The following DPY19L4 variants were observed in gnomAD, a reference collection of about 807,000 sequenced individuals.
The protein encoded by DPY19L4 is probable C-mannosyltransferase DPY19L4.
In DPY19L4, 97 loss-of-function variants were observed where a neutral mutation model predicts 102.8. The ratio of observed to expected loss-of-function variants is 0.94; its 90% CI spans 0.80 to 1.12. DPY19L4 has a LOEUF of 1.12. DPY19L4 is among the 50% of genes most tolerant of loss of function. DPY19L4 has a pLI of 0.00. For synonymous variants in DPY19L4, 252 were observed against 283.1 expected, an observed-to-expected ratio of 0.89 and a Z score of 1.10; for missense variants, 815 against 850.4, an observed-to-expected ratio of 0.96 and a Z score of 0.52.
intron 2 of DPY19L4, among the ~76,000 whole-genome samples, chr8:94,730,366 C>A (rs897428161): frequency 2.0e-5 from 3 of 152,214 alleles, no homozygotes. Flanking sequence ...GGAACCAGAG[C>A]TCCTTATTTT....
intron 4 of DPY19L4, 57 bp downstream of exon 4, chr8:94,738,516 CTTT>C (rs368142148): frequency 1.3e-3 from 1,029 of 776,316 alleles, no homozygotes; most frequent in Middle Eastern, 3.0e-3. Flanking sequence ...CTTTTCTTTT[CTTT>C]TTTTTTTTTT....
At chr8:94,748,766 C>A (rs749195977) in intron 6 of DPY19L4, among the ~76,000 whole-genome samples, 1 of 152,180 alleles carries the variant, frequency 6.6e-6, no homozygotes, top group East Asian at 1.9e-4. Flanking sequence ...GGAGCACGAA[C>A]CCTATTGTGA....
chr8:94,750,234 G>A (rs978496202), intron 6 of DPY19L4, among the ~76,000 whole-genome samples: 6 of 152,214 alleles, frequency 3.9e-5, no homozygotes, highest in Admixed American at 6.5e-5. Context: ...TGTGCCTCGC[G>A]TGGTTCATGT....
intron 6 of DPY19L4, among the ~76,000 whole-genome samples, chr8:94,747,031 G>T (rs570621702): frequency 1.3e-5 from 2 of 151,722 alleles, no homozygotes; most frequent in African/African-American, 4.8e-5. Context: ...TTTTACCATA[G>T]TGATCAGAAC....
intron 15 of DPY19L4, among the ~76,000 whole-genome samples, chr8:94,780,759 G>A (rs1341372650): frequency 6.6e-6 from 1 of 151,924 alleles, no homozygotes; most frequent in African/African-American, 2.4e-5. Context: ...GCAAATTATT[G>A]GACCTGAAAA....
intron 13 of DPY19L4, among the ~76,000 whole-genome samples, chr8:94,775,331 C>A (rs1813130058): frequency 6.6e-6 from 1 of 152,144 alleles, no homozygotes; most frequent in Non-Finnish European, 1.5e-5. Context: ...GCCACCACGC[C>A]TGGCTAAATT....
In DPY19L4 at chr8:94,766,337, T is replaced by C. The variant is rs139065340; in HGVS notation, c.1102-275T>C. Reference sequence around the variant, plus strand: ...TTGCAGTGAGCCAAGATCGTGCCATTGCACTCCAGCCTGGGCAACAAGAGT... The same window carrying C: ...TTGCAGTGAGCCAAGATCGTGCCATCGCACTCCAGCCTGGGCAACAAGAGT... On this transcript the variant is annotated intron_variant, in intron 10 of 18. Coordinates refer to ENST00000414645, the MANE Select transcript of DPY19L4 (RefSeq NM_181787.3). Among the ~76,000 whole-genome samples, 37 of 152,266 alleles carry C rather than the reference T, an allele frequency of 2.4e-4. No homozygotes were observed. In the East Asian group the frequency reaches 5.6e-3, roughly 23 times the overall value.
intron 3 of DPY19L4, among the ~76,000 whole-genome samples, chr8:94,736,386 A>G (rs1263610579): frequency 6.6e-6 from 1 of 152,228 alleles, no homozygotes; most frequent in Non-Finnish European, 1.5e-5. Flanking sequence ...GATATACTGA[A>G]ACTCTGAAAA....
intron 1 of DPY19L4, among the ~76,000 whole-genome samples, chr8:94,724,728 C>T (rs1460158680): frequency 2.6e-5 from 4 of 152,142 alleles, no homozygotes; most frequent in South Asian, 2.1e-4. Context: ...GCTGGGATTA[C>T]AGGAGTGCAC....
chr8:94,761,891 G>A, intron 8 of DPY19L4, 57 bp downstream of exon 8: 1 of 1,525,954 alleles, frequency 6.6e-7, no homozygotes, highest in Non-Finnish European at 8.8e-7. Context: ...TTATAGCATT[G>A]TATCTTAAAA....
intron 1 of DPY19L4, among the ~76,000 whole-genome samples, chr8:94,721,174 G>A (rs955764803): frequency 1.3e-5 from 2 of 152,204 alleles, no homozygotes; most frequent in Non-Finnish European, 2.9e-5. Context: ...TTGAACTTCT[G>A]ACCTCAGGTG....
At chr8:94,788,642 C>T (rs937940195) in intron 18 of DPY19L4, among the ~76,000 whole-genome samples, 16 of 87,520 alleles carry the variant, frequency 1.8e-4, no homozygotes, top group Admixed American at 8.0e-4. Flanking sequence ...GACTGACGCA[C>T]GCGCGCGCGC....
chr8:94,721,058 T>C (rs1424900063), intron 1 of DPY19L4, among the ~76,000 whole-genome samples: 1 of 152,056 alleles, frequency 6.6e-6, no homozygotes, highest in Admixed American at 6.6e-5. Context: ...GCGATTCTCC[T>C]GCCTCAGCCT....
intron 3 of DPY19L4, 138 bp from the exon 4 acceptor site, chr8:94,738,231 A>G (rs1219215969): frequency 4.6e-6 from 1 of 216,560 alleles, no homozygotes; most frequent in Admixed American, 6.2e-5. Context: ...GGCAGGAGAA[A>G]TGGCATGAAC....
intron 1 of DPY19L4, among the ~76,000 whole-genome samples, chr8:94,720,972 G>A (rs1810430929): frequency 6.6e-6 from 1 of 151,162 alleles, no homozygotes; most frequent in African/African-American, 2.4e-5. Context: ...TTGAAACGGA[G>A]TTTCGTTCTT....
intron 6 of DPY19L4, among the ~76,000 whole-genome samples, chr8:94,751,910 G>A (rs1342370104): frequency 2.0e-5 from 3 of 152,028 alleles, no homozygotes; most frequent in Non-Finnish European, 2.9e-5. Flanking sequence ...CATAATTTTG[G>A]TATTCATGTA....
At position 94,761,816 on chromosome 8, in the gene DPY19L4, A is replaced by G; in HGVS notation, c.852A>G (p.Ser284=). ...CTCTATTCCTGCTAGATACCTTTTC[A>G]GTGGAGCAAAGTGACAAGGTATTAT... ...AISLFLLDTF[S]VEQSDKVYEV... The change falls in exon 8 of 19, where the codon TCA becomes TCG. Residue 284 remains serine, a synonymous_variant. Coordinates refer to ENST00000414645, the MANE Select transcript of DPY19L4 (RefSeq NM_181787.3). 1 of 1,606,278 alleles carries G rather than the reference A, an allele frequency of 6.2e-7. No homozygotes were observed. The highest frequency in any genetic ancestry group is 1.1e-5 in the South Asian group (1 of 88,558).
At chr8:94,720,122 G>A in intron 1 of DPY19L4, 108 bp downstream of exon 1, 1 of 1,406,064 alleles carries the variant, frequency 7.1e-7, no homozygotes, top group Non-Finnish European at 9.3e-7. Context: ...CGGTCGCGGT[G>A]GCGGCCGCGC....
At chr8:94,760,314 AC>A (rs560656063) in intron 7 of DPY19L4, among the ~76,000 whole-genome samples, 151 of 152,294 alleles carry the variant, frequency 9.9e-4, no homozygotes, top group Non-Finnish European at 2.1e-3. Flanking sequence ...GCTTTCTGGA[AC>A]TGATTTCTCT....
Sources: allele counts gnomAD v4.1 joint callset (sites outside exome capture counted in the v4.1 genomes callset), GRCh38; gene constraint gnomAD v4.1.1; transcripts MANE v1.5; gene names NCBI Gene and HGNC (gene_info 2026-07-23, HGNC 2026-07-21).